ADAMTS17: variants seen among roughly 807,000 people sequenced by gnomAD.
The protein encoded by ADAMTS17 is ADAM metallopeptidase with thrombospondin type 1 motif 17, also known as A disintegrin and metalloproteinase with thrombospondin motifs 17.
A neutral mutation model predicts 141.5 loss-of-function variants in ADAMTS17; 113 were observed. The observed-to-expected ratio is 0.80, with a 90% CI of 0.69 to 0.93. The LOEUF (loss-of-function observed/expected upper bound fraction) is 0.93. Ranked by LOEUF, ADAMTS17 falls within the 40% of genes least tolerant of loss-of-function variation. The pLI is 0.00. For missense variants in ADAMTS17, 1,659 were observed against 1,517.9 expected (o/e 1.09, Z -1.54); for synonymous variants, 768 against 630.6 (o/e 1.22, Z -3.27).
chr15:100,244,566 T>C (rs960567627), intron 7 of ADAMTS17, among the ~76,000 whole-genome samples: 2 of 151,910 alleles, frequency 1.3e-5, no homozygotes, highest in Non-Finnish European at 2.9e-5. Context: ...TCGGATGGTT[T>C]CATAAAGAAG....
At chr15:100,167,378 G>T (rs369129012) in intron 8 of ADAMTS17, among the ~76,000 whole-genome samples, 1 of 152,152 alleles carries the variant, frequency 6.6e-6, no homozygotes, top group South Asian at 2.1e-4. Context: ...CTGTTATCAC[G>T]TACTGACTCT....
intron 8 of ADAMTS17, among the ~76,000 whole-genome samples, chr15:100,196,453 A>AT (rs2041119448): frequency 6.6e-6 from 1 of 152,224 alleles, no homozygotes; most frequent in Non-Finnish European, 1.5e-5. Flanking sequence ...TGACAATCAG[A>AT]TTTTAGGGTA....
intron 10 of ADAMTS17, among the ~76,000 whole-genome samples, chr15:100,147,016 G>C (rs931934284): frequency 6.6e-6 from 1 of 152,100 alleles, no homozygotes. Flanking sequence ...GTGGTCCTGT[G>C]ATCTCGCCCT....
chr15:100,244,546 T>G (rs764262065), intron 7 of ADAMTS17, among the ~76,000 whole-genome samples: 11 of 151,794 alleles, frequency 7.2e-5, no homozygotes, highest in Admixed American at 1.3e-4. Flanking sequence ...AGCGAATAAG[T>G]CTCATGAGAT....
intron 13 of ADAMTS17, among the ~76,000 whole-genome samples, chr15:100,114,175 T>TTA (rs1379650599): frequency 1.7e-5 from 2 of 117,966 alleles, no homozygotes; most frequent in African/African-American, 6.3e-5. Context: ...TTTTTTTTTT[T>TTA]AAAAAAAGGA....
chr15:100,056,724 T>C (rs895581568), intron 15 of ADAMTS17, among the ~76,000 whole-genome samples: 1 of 151,940 alleles, frequency 6.6e-6, no homozygotes, highest in Non-Finnish European at 1.5e-5. Flanking sequence ...GGACTTCTGC[T>C]TGAAGAAACA....
At chr15:100,089,634 A>G (rs12050649) in intron 15 of ADAMTS17, among the ~76,000 whole-genome samples, 131,418 of 151,284 alleles carry the variant, frequency 0.87, 57,271 homozygotes, top group East Asian at 0.96. Flanking sequence ...CATATACACC[A>G]TGGAATACTA....
chr15:100,087,192 A>C (rs1020321822), intron 15 of ADAMTS17, among the ~76,000 whole-genome samples: 1 of 152,220 alleles, frequency 6.6e-6, no homozygotes, highest in African/African-American at 2.4e-5. Flanking sequence ...ACAAACTACC[A>C]TCATATCTTA....
rs200831613 is a variant in ADAMTS17 at position 100,151,791 on chromosome 15, AC to A, written c.1473+820del. ...TTCCCTGTCTGCTACACAGATGGCC[AC>A]AGGCATGGAGACTGCCCTGCCCTGG... On this transcript the variant is annotated intron_variant, in intron 10 of 21. Transcript: ENST00000268070. 5.0e-3 allele frequency among the ~76,000 whole-genome samples: 764 copies of A among 152,246 alleles called. 6 individuals are homozygous for A. Among genetic ancestry groups the A allele is most frequent in the Middle Eastern group, 0.017 (5 of 294 alleles).
At chr15:100,248,426 G>A (rs962525177) in intron 7 of ADAMTS17, among the ~76,000 whole-genome samples, 1 of 152,194 alleles carries the variant, frequency 6.6e-6, no homozygotes. Flanking sequence ...GAGGCCCAGA[G>A]GGTATGCATC....
intron 9 of ADAMTS17, among the ~76,000 whole-genome samples, chr15:100,153,047 G>C (rs2039262166): frequency 1.2e-5 from 1 of 83,484 alleles, no homozygotes; most frequent in Non-Finnish European, 2.9e-5. Flanking sequence ...TTTTACTGGG[G>C]AGTCTGAAAG....
At chr15:100,287,921 A>G (rs2044498913) in intron 3 of ADAMTS17, among the ~76,000 whole-genome samples, 1 of 152,248 alleles carries the variant, frequency 6.6e-6, no homozygotes, top group Non-Finnish European at 1.5e-5. Flanking sequence ...TTAAGTAGAT[A>G]GCCATTGACA....
intron 10 of ADAMTS17, among the ~76,000 whole-genome samples, chr15:100,148,252 T>C (rs1410584310): frequency 6.6e-6 from 1 of 152,262 alleles, no homozygotes; most frequent in Non-Finnish European, 1.5e-5. Flanking sequence ...AAAACACAGT[T>C]GTTTAAATGA....
chr15:99,982,849 C>T (rs1027105628), intron 20 of ADAMTS17, among the ~76,000 whole-genome samples: 1 of 152,158 alleles, frequency 6.6e-6, no homozygotes, highest in Non-Finnish European at 1.5e-5. Context: ...AGCTGTGCGT[C>T]GGAGCTGGCT....
chr15:100,178,214 GT>G (rs1346716515), intron 8 of ADAMTS17, among the ~76,000 whole-genome samples: 3 of 151,952 alleles, frequency 2.0e-5, no homozygotes, highest in Non-Finnish European at 4.4e-5. Context: ...TTTATTATTT[GT>G]TTTGTTTCTT....
rs569529831 is a variant in ADAMTS17 at position 100,000,635 on chromosome 15, T to C, written c.2592-3046A>G. On this transcript the variant is annotated intron_variant, in intron 18 of 21. Coordinates refer to ENST00000268070, the MANE Select transcript of ADAMTS17 (RefSeq NM_139057.4). ...TTCAAGCGATTTTCCTGCCTCAGCCTCCTGAGTAGTCGGGTTTACAGCCAT... is the reference window on the plus strand; with the variant it reads ...TTCAAGCGATTTTCCTGCCTCAGCCCCCTGAGTAGTCGGGTTTACAGCCAT... Among the ~76,000 whole-genome samples the C allele has an allele frequency of 2.6e-5, 4 of 152,274 alleles. No homozygotes were observed. In the East Asian group the frequency reaches 7.7e-4, roughly 29 times the overall value.
intron 10 of ADAMTS17, among the ~76,000 whole-genome samples, chr15:100,151,356 G>T (rs2039154897): frequency 2.0e-5 from 3 of 152,218 alleles, no homozygotes; most frequent in African/African-American, 7.2e-5. Flanking sequence ...TGCTCCAACT[G>T]CAGGTTGTGT....
At chr15:100,330,449 G>A (rs572723662) in intron 3 of ADAMTS17, among the ~76,000 whole-genome samples, 3 of 152,248 alleles carry the variant, frequency 2.0e-5, no homozygotes, top group East Asian at 1.9e-4. Context: ...CTGCTGGCCC[G>A]GGGGCCACAC....
intron 18 of ADAMTS17, among the ~76,000 whole-genome samples, chr15:100,008,700 G>A (rs913067169): frequency 3.9e-5 from 6 of 152,226 alleles, no homozygotes; most frequent in African/African-American, 7.2e-5. Flanking sequence ...TCTGGAAAGC[G>A]AGATGGATCA....
Sources: gnomAD v4.1 joint callset for allele counts (sites outside exome capture counted in the v4.1 genomes callset) on GRCh38, gnomAD v4.1.1 for gene constraint, MANE v1.5 for transcripts, NCBI Gene and HGNC (gene_info 2026-07-23, HGNC 2026-07-21) for gene names.